DPH5: variants seen among roughly 807,000 people sequenced by gnomAD.
The protein encoded by DPH5 is diphthamide biosynthesis 5.
In DPH5, 31 loss-of-function variants were observed where a neutral mutation model predicts 31.6. That is an observed-to-expected ratio of 0.98 (90% CI 0.74 to 1.32). The LOEUF is 1.32. Ranked by LOEUF, DPH5 falls within the 40% of genes most tolerant of loss-of-function variation. The pLI is 0.00. For synonymous variants in DPH5, 120 were observed against 115.0 expected, an observed-to-expected ratio of 1.04 and a Z score of -0.28; for missense variants, 309 against 335.7, an observed-to-expected ratio of 0.92 and a Z score of 0.62.
At chr1:101,018,947 C>T (rs934226602) in intron 3 of DPH5, among the ~76,000 whole-genome samples, 2 of 152,118 alleles carry the variant, frequency 1.3e-5, no homozygotes, top group Non-Finnish European at 2.9e-5. Flanking sequence ...ACATTCATTA[C>T]ATGGAATGGA....
chr1:101,019,567 TA>T (rs1435926835), intron 3 of DPH5, among the ~76,000 whole-genome samples: 1 of 152,182 alleles, frequency 6.6e-6, no homozygotes, highest in African/African-American at 2.4e-5. Flanking sequence ...AAATAAGGGA[TA>T]TTTTTTGCTC....
rs556046342 is a variant in DPH5 at position 100,989,647 on chromosome 1, T to A, written c.*761A>T. The A allele has an allele frequency of 1.3e-5, 2 of 152,234 alleles. No individual in the cohort carries two copies. The highest frequency in any genetic ancestry group is 6.5e-5 in the Admixed American group (1 of 15,288). The allele number at this position is 152,234 out of a possible 1,614,324, so 9.4% of individuals were successfully genotyped here. A position where few individuals can be genotyped will look rare whatever the true frequency, so the allele number is the denominator to read the frequency against. On this transcript the variant is annotated 3_prime_UTR_variant, in exon 8 of 8. Transcript: ENST00000370109. ...ATTTTGTGAACATTTACTAATCTTT[T>A]ATTTGCTTTTCTTGGCACTCATAAC...
chr1:100,999,910 C>T (rs974153422), intron 5 of DPH5, among the ~76,000 whole-genome samples: 24 of 151,136 alleles, frequency 1.6e-4, no homozygotes, highest in Admixed American at 1.4e-3. Context: ...TTTAGGAGGC[C>T]GAGGCGGGTG....
chr1:100,998,971 G>A (rs1282975444), intron 5 of DPH5, among the ~76,000 whole-genome samples: 1 of 152,128 alleles, frequency 6.6e-6, no homozygotes, highest in African/African-American at 2.4e-5. Context: ...CTGCTGTTGT[G>A]GCATGAAAGT....
At chr1:100,990,890 A>G (rs1444679032) in intron 7 of DPH5, among the ~76,000 whole-genome samples, 5 of 152,234 alleles carry the variant, frequency 3.3e-5, no homozygotes, top group Non-Finnish European at 7.3e-5. Context: ...GGACTTGACA[A>G]GCTATACTTA....
chr1:101,002,901 G>T (rs1212842732), intron 4 of DPH5, among the ~76,000 whole-genome samples: 1 of 152,114 alleles, frequency 6.6e-6, no homozygotes. Context: ...TAATTCCCTA[G>T]AGCAGCAGCT....
At chr1:100,999,937 G>A (rs1047691122) in intron 5 of DPH5, among the ~76,000 whole-genome samples, 1 of 152,022 alleles carries the variant, frequency 6.6e-6, no homozygotes, top group Non-Finnish European at 1.5e-5. Context: ...GAGGTCAGGA[G>A]ATGGAGACCA....
At chr1:101,004,628 T>C (rs1203089828) in intron 4 of DPH5, among the ~76,000 whole-genome samples, 1 of 152,152 alleles carries the variant, frequency 6.6e-6, no homozygotes. Flanking sequence ...TAAGGCACAA[T>C]CTAGTTAGAA....
intron 2 of DPH5, 133 bp downstream of exon 2, chr1:101,025,176 A>C (rs1176050685): frequency 3.5e-5 from 39 of 1,115,168 alleles, no homozygotes; most frequent in South Asian, 5.0e-5. Context: ...TGCTCCTCAG[A>C]TCATTAATGA....
intron 2 of DPH5, 86 bp from the exon 3 acceptor site, chr1:101,021,851 CA>C: frequency 1.5e-6 from 2 of 1,312,476 alleles, no homozygotes; most frequent in Non-Finnish European, 2.1e-6. Context: ...CACACACACA[CA>C]CACACACTCT....
At chr1:101,016,492 T>A (rs1414696867) in intron 3 of DPH5, among the ~76,000 whole-genome samples, 3 of 150,926 alleles carry the variant, frequency 2.0e-5, no homozygotes, top group Non-Finnish European at 4.4e-5. Context: ...TCACCCAGGC[T>A]GGAGTGCAGT....
At chr1:101,019,722 T>C (rs1280207404) in intron 3 of DPH5, among the ~76,000 whole-genome samples, 1 of 151,890 alleles carries the variant, frequency 6.6e-6, no homozygotes, top group African/African-American at 2.4e-5. Context: ...AATCTGCCGG[T>C]AAATAAAAAA....
rs1363369783 is a variant in DPH5, at chr1:101,011,860, TCTC to T, written c.369+1847_369+1849del. 4.0e-5 allele frequency among the ~76,000 whole-genome samples: 6 copies of T among 151,806 alleles called. No individual in the cohort carries two copies. In the East Asian group the frequency reaches 1.2e-3, roughly 29 times the overall value. On this transcript the variant is annotated intron_variant, in intron 4 of 7. Coordinates refer to ENST00000370109, the MANE Select transcript of DPH5 (RefSeq NM_015958.3). ...TCTTTATTTATCAAATGATAATTTC[TCTC>T]CTTTTTTTCTTTCTTCTAGCAATTA...
At chr1:100,992,555 T>C (rs952243929) in intron 7 of DPH5, 82 bp downstream of exon 7, 11 of 919,326 alleles carry the variant, frequency 1.2e-5, no homozygotes, top group Non-Finnish European at 1.7e-5. Flanking sequence ...GCTTCCATAG[T>C]GGTATGAGAT....
chr1:101,016,616 T>G (rs1660099628), intron 3 of DPH5, among the ~76,000 whole-genome samples: 1 of 151,722 alleles, frequency 6.6e-6, no homozygotes, highest in South Asian at 2.1e-4. Context: ...CAGCTAATTT[T>G]TGTATTTTTT....
At chr1:100,995,326 G>T in intron 5 of DPH5, 177 bp from the exon 6 acceptor site, 1 of 463,112 alleles carries the variant, frequency 2.2e-6, no homozygotes, top group Non-Finnish European at 4.0e-6. Flanking sequence ...TGTGCCACTA[G>T]TTAGAAAACA....
chr1:101,014,448 C>T (rs76262153), intron 3 of DPH5, among the ~76,000 whole-genome samples: 2,328 of 152,130 alleles, frequency 0.015, 59 homozygotes, highest in African/African-American at 0.053. Flanking sequence ...AGCATTATGT[C>T]GAGAAAATGT....
At chr1:101,015,080 A>C (rs1659980057) in intron 3 of DPH5, among the ~76,000 whole-genome samples, 1 of 152,090 alleles carries the variant, frequency 6.6e-6, no homozygotes, top group South Asian at 2.1e-4. Context: ...AACTCCCATT[A>C]ATGTGGGTAT....
At position 101,006,189 on chromosome 1, in the gene DPH5, A is replaced by C. The variant is rs577514897; in HGVS notation, c.370-4602T>G. ...CAAAATTGAGTCACAATTGACCTCA[A>C]AGTCAATTTCCCAGTCTTGGGTATG... On this transcript the variant is annotated intron_variant, in intron 4 of 7. Transcript: ENST00000370109. 1.5e-4 allele frequency among the ~76,000 whole-genome samples: 23 copies of C among 152,298 alleles called. 1 individual carries two copies. In the South Asian group the frequency reaches 4.8e-3, roughly 32 times the overall value.
Sources: gnomAD v4.1 joint callset for allele counts (sites outside exome capture counted in the v4.1 genomes callset) on GRCh38, gnomAD v4.1.1 for gene constraint, MANE v1.5 for transcripts, NCBI Gene and HGNC (gene_info 2026-07-23, HGNC 2026-07-21) for gene names.